Variants in ATG13 observed in about 807,000 individuals in gnomAD.
The protein encoded by ATG13 is autophagy-related protein 13.
A neutral mutation model predicts 65.5 loss-of-function variants in ATG13; 23 were observed. That is an observed-to-expected ratio of 0.35 (90% confidence interval 0.25 to 0.50). The LOEUF (loss-of-function observed/expected upper bound fraction) is 0.50. ATG13 is among the 20% of genes least tolerant of loss of function. The pLI is 0.98. For synonymous variants in ATG13, 252 were observed against 245.2 expected (o/e 1.03, Z -0.26); for missense variants, 566 against 677.0 (o/e 0.84, Z 1.82).
intron 1 of ATG13, among the ~76,000 whole-genome samples, chr11:46,625,571 C>T (rs576714018): frequency 4.6e-5 from 7 of 152,118 alleles, no homozygotes; most frequent in African/African-American, 1.7e-4. Context: ...CCAAGGCATA[C>T]AAATTTATCA....
chr11:46,628,412 A>G (rs2050476570), intron 1 of ATG13, among the ~76,000 whole-genome samples: 2 of 152,010 alleles, frequency 1.3e-5, no homozygotes, highest in Non-Finnish European at 2.9e-5. Flanking sequence ...AAACCTGAAA[A>G]CAAAACCCCG....
At chr11:46,621,336 G>T (rs986548875) in intron 1 of ATG13, among the ~76,000 whole-genome samples, 11 of 152,196 alleles carry the variant, frequency 7.2e-5, no homozygotes, top group Non-Finnish European at 1.0e-4. Flanking sequence ...ATTTTGAGTT[G>T]TTGATACTTT....
At position 46,619,372 on chromosome 11, in the gene ATG13, C is replaced by CTTTTTTTTTTTTT. The variant is rs746642470; in HGVS notation, c.-70+1499_-70+1511dup. 4.6e-3 allele frequency among the ~76,000 whole-genome samples: 162 copies of CTTTTTTTTTTTTT among 35,324 alleles called. 55 individuals are homozygous for CTTTTTTTTTTTTT. Among genetic ancestry groups the CTTTTTTTTTTTTT allele is most frequent in the Non-Finnish European group, 5.9e-3 (110 of 18,684 alleles). The allele number at this position is 35,324 out of a possible 152,430, so 23.2% of individuals were successfully genotyped here. A position where few individuals can be genotyped will look rare whatever the true frequency, so the allele number is the denominator to read the frequency against. ...ATGTCCTTGGAAGGTAGATTTCTTG[C>CTTTTTTTTTTTTT]TTTTTTTTTTTTTTTTTTTTTTTTT... On this transcript the variant is annotated intron_variant, in intron 1 of 18. Transcript: ENST00000683050.
At chr11:46,626,966 C>T (rs941047816) in intron 1 of ATG13, among the ~76,000 whole-genome samples, 3 of 152,106 alleles carry the variant, frequency 2.0e-5, no homozygotes, top group Admixed American at 6.6e-5. Context: ...GAAATAAGGT[C>T]GGGTGCGGTA....
chr11:46,657,326 G>A, intron 9 of ATG13, 135 bp downstream of exon 9: 2 of 967,982 alleles, frequency 2.1e-6, no homozygotes, highest in Non-Finnish European at 3.1e-6. Flanking sequence ...AGAGAGTGCA[G>A]TTGCCAGATT....
rs1185729060 is a variant in ATG13, at chr11:46,643,405, C to T, written c.-13-874C>T. On this transcript the variant is annotated intron_variant, in intron 2 of 18. Transcript: ENST00000683050. ...TTTTAAACATGACACCCCTCAGCTGCGGGAGTCTATTTTATCTGCTGGCTC... is the reference window on the plus strand; with the variant it reads ...TTTTAAACATGACACCCCTCAGCTGTGGGAGTCTATTTTATCTGCTGGCTC... Among the ~76,000 whole-genome samples the T allele has an allele frequency of 3.3e-5, 5 of 152,018 alleles. No individual in the cohort carries two copies. The South Asian group carries it at 6.2e-4, about 19-fold the overall frequency.
intron 5 of ATG13, chr11:46,648,716 G>T (rs1196393412): frequency 6.6e-6 from 1 of 151,368 alleles, no homozygotes; most frequent in African/African-American, 2.5e-5. Context: ...GGCGGAGCTT[G>T]CAGTGAGCCC....
intron 13 of ATG13, 149 bp from the exon 14 acceptor site, chr11:46,665,234 G>C: frequency 9.9e-7 from 1 of 1,014,814 alleles, no homozygotes; most frequent in African/African-American, 1.6e-5. Context: ...CTGAGTTTCA[G>C]AGAGGATAAA....
At chr11:46,646,391 G>A (rs113194360) in intron 5 of ATG13, among the ~76,000 whole-genome samples, 7,204 of 152,170 alleles carry the variant, frequency 0.047, 538 homozygotes, top group African/African-American at 0.16. Context: ...CTTGTGATCC[G>A]CCCGCATTGG....
chr11:46,650,277 C>A lies in ATG13; in HGVS notation c.418C>A (p.Leu140Ile). ...AACTAGGGTGACACCAGCCTATAGG[C>A]TCTCCAGGAAACAAGGGCATGAATA... Reference protein sequence around the residue: ...AITRVTPAYRLSRKQGHEYVI... With the variant: ...AITRVTPAYRISRKQGHEYVI... Residue 140 changes from leucine to isoleucine, a missense_variant, in exon 7 of 19, where the codon CTC (leucine) becomes ATC (isoleucine). This residue lies in a region of ATG13 where 179 missense variants were observed against 267.2 expected (regional missense o/e 0.67). Coordinates refer to ENST00000683050, the MANE Select transcript of ATG13 (RefSeq NM_001346311.2). The A allele has an allele frequency of 1.9e-6, 3 of 1,614,062 alleles. No individual in the cohort carries two copies. The highest frequency in any genetic ancestry group is 2.5e-6 in the Non-Finnish European group (3 of 1,179,998).
intron 5 of ATG13, 25 bp downstream of exon 5, chr11:46,646,014 C>T: frequency 1.2e-6 from 2 of 1,613,742 alleles, no homozygotes; most frequent in Non-Finnish European, 1.7e-6. Flanking sequence ...AGGTTGGTGT[C>T]TTCATTTAGC....
chr11:46,638,729 G>T (rs2054855318), intron 2 of ATG13: 2 of 152,048 alleles, frequency 1.3e-5, no homozygotes, highest in African/African-American at 4.8e-5. Context: ...TGCTCTCCAG[G>T]TTCATTCATG....
In ATG13 at chr11:46,644,304, C is replaced by G. The variant is rs144644606; in HGVS notation, c.13C>G (p.Leu5Val). 759 of 1,602,908 alleles carry G rather than the reference C, an allele frequency of 4.7e-4. 3 individuals carry two copies. The highest frequency in any genetic ancestry group is 5.6e-4 in the Non-Finnish European group (661 of 1,176,866). The change falls in exon 3 of 19, where the codon CTC becomes GTC. Residue 5 changes from leucine to valine, a missense_variant. This residue lies in a region of ATG13 where 179 missense variants were observed against 267.2 expected (regional missense o/e 0.67). Transcript: ENST00000683050. ...ATTCCTATAGGCAATGGAAACTGAT[C>G]TCAATTCCCAGGACAGAAAGGACCT... Reference protein sequence around the residue: METDLNSQDRKDLDK... With the variant: METDVNSQDRKDLDK...
At chr11:46,657,735 A>ATCAGTGGCCCC in intron 10 of ATG13, 113 bp downstream of exon 10, 1 of 894,600 alleles carries the variant, frequency 1.1e-6, no homozygotes, top group Non-Finnish European at 1.7e-6. Context: ...GCAGGGGGCC[A>ATCAGTGGCCCC]CTGATGGAGA....
At chr11:46,664,295 A>G (rs772698641) in intron 12 of ATG13, 200 bp downstream of exon 12, 3 of 525,164 alleles carry the variant, frequency 5.7e-6, no homozygotes, top group Admixed American at 3.6e-5. Flanking sequence ...CCCTCCTCCT[A>G]CCATTGATGT....
intron 14 of ATG13, among the ~76,000 whole-genome samples, chr11:46,665,797 C>CTTTTTTTTTTT (rs1159523560): frequency 4.6e-5 from 4 of 87,774 alleles, no homozygotes; most frequent in Non-Finnish European, 6.2e-5. Context: ...TTTATTTTTC[C>CTTTTTTTTTTT]TTTTTTTTTT....
At position 46,650,217 on chromosome 11, in the gene ATG13, A is replaced by C. The variant is rs768001692; in HGVS notation, c.358A>C (p.Arg120=). ...CAAAGTTTCCTACACGGTGTACAAC[A>C]GACTGTCATTGCTGCTGAAGTCCCT... ...EIKVSYTVYN[R]LSLLLKSLLA... Residue 120 remains arginine (R), a synonymous_variant, in exon 7 of 19, where the codon AGA becomes CGA. Transcript: ENST00000683050. 1 of 1,614,158 alleles carries C rather than the reference A, an allele frequency of 6.2e-7. No homozygotes were observed. The highest frequency in any genetic ancestry group is 1.1e-5 in the South Asian group (1 of 91,082).
At chr11:46,665,629 G>C in intron 14 of ATG13, 110 bp downstream of exon 14, 1 of 1,405,398 alleles carries the variant, frequency 7.1e-7, no homozygotes, top group Non-Finnish European at 9.5e-7. Context: ...CATTGGCTGG[G>C]ACATGGCATT....
At chr11:46,635,843 G>A (rs976852891) in intron 2 of ATG13, among the ~76,000 whole-genome samples, 4 of 152,170 alleles carry the variant, frequency 2.6e-5, no homozygotes, top group Non-Finnish European at 2.9e-5. Context: ...CCATTGTGCC[G>A]TTATAATGAT....
Sources: gnomAD v4.1 joint callset for allele counts (sites outside exome capture counted in the v4.1 genomes callset) on GRCh38, gnomAD v4.1.1 for gene constraint, gnomAD v4.1.1 regional missense constraint, MANE v1.5 for transcripts, NCBI Gene and HGNC (gene_info 2026-07-23, HGNC 2026-07-21) for gene names.